Variants in LCORL observed in about 807,000 individuals in gnomAD.
LCORL encodes ligand-dependent nuclear receptor corepressor-like protein.
LCORL carries 41 observed loss-of-function variants against 141.8 expected under a neutral mutation model. The ratio of observed to expected loss-of-function variants is 0.29; its 90% CI spans 0.23 to 0.38. LCORL has a LOEUF of 0.38. Ranked by LOEUF, LCORL falls within the 10% of genes least tolerant of loss-of-function variation. The probability of loss-of-function intolerance (pLI) is 1.00; values close to 1 mark genes in which losing one functional copy is unlikely to be tolerated. For synonymous variants in LCORL, 618 were observed against 694.1 expected (o/e 0.89, Z 1.72); for missense variants, 1,759 against 2,035.0 (o/e 0.86, Z 2.61).
In LCORL at chr4:17,895,430, C is replaced by G. The variant is rs13120779; in HGVS notation, c.683-9269G>C. Reference sequence around the variant, plus strand: ...ATTGTATTTGTCCTACTGTGCTGGACTTATTTCATTTTACTTAATGTCCTC... The same window carrying G: ...ATTGTATTTGTCCTACTGTGCTGGAGTTATTTCATTTTACTTAATGTCCTC... On this transcript the variant is annotated intron_variant, in intron 5 of 7. Coordinates refer to ENST00000635767, the Ensembl canonical transcript of LCORL. Among the ~76,000 whole-genome samples the G allele has an allele frequency of 5.0e-3, 757 of 152,230 alleles. 4 individuals carry two copies. The highest frequency in any genetic ancestry group is 0.01 in the Middle Eastern group (3 of 294).
chr4:17,869,770 A>T (rs1341133225), intron 7 of LCORL, among the ~76,000 whole-genome samples: 1 of 152,110 alleles, frequency 6.6e-6, no homozygotes, highest in East Asian at 1.9e-4. Flanking sequence ...AAGCATATCC[A>T]TAACTGCTTC....
At chr4:17,866,953 G>A (rs1560268064) in intron 7 of LCORL, 1 of 982,782 alleles carries the variant, frequency 1.0e-6, no homozygotes, top group South Asian at 4.7e-5. Context: ...CTTCTAGCAG[G>A]TGGTAGCAGC....
At chr4:17,962,158 TTAGA>T (rs887961980) in intron 3 of LCORL, 126 bp from the exon 4 acceptor site, 9 of 500,888 alleles carry the variant, frequency 1.8e-5, no homozygotes, top group Non-Finnish European at 2.7e-5. Context: ...TTGTATCAAA[TTAGA>T]TAGAGGGAAC....
chr4:17,873,057 C>T (rs1726544242), intron 7 of LCORL, among the ~76,000 whole-genome samples: 1 of 151,984 alleles, frequency 6.6e-6, no homozygotes, highest in African/African-American at 2.4e-5. Flanking sequence ...ATTTATCTGT[C>T]AAACTGCTTA....
intron 1 of LCORL, among the ~76,000 whole-genome samples, chr4:17,982,757 G>A (rs1718241022): frequency 6.6e-6 from 1 of 152,132 alleles, no homozygotes; most frequent in South Asian, 2.1e-4. Context: ...TTGCTGTGCA[G>A]AAGCTCTTTA....
intron 7 of LCORL, among the ~76,000 whole-genome samples, chr4:17,865,487 C>A (rs1207386424): frequency 6.6e-6 from 1 of 151,978 alleles, no homozygotes; most frequent in Non-Finnish European, 1.5e-5. Context: ...AGTACTGCGC[C>A]CAGCCAACAT....
exon 8 of LCORL, chr4:17,845,520 C>T (rs931735863): frequency 2.7e-5 from 11 of 412,406 alleles, no homozygotes; most frequent in African/African-American, 4.1e-5. Context: ...CATCAAAATC[C>T]GTTTACAAAA....
chr4:17,924,054 G>A (rs1033703202), intron 4 of LCORL, among the ~76,000 whole-genome samples: 17 of 152,038 alleles, frequency 1.1e-4, no homozygotes, highest in African/African-American at 2.9e-4. Flanking sequence ...ACCGATTCAC[G>A]GGCTGTAGCC....
chr4:17,841,669 T>C (rs899293848), exon 8 of LCORL: 2 of 151,956 alleles, frequency 1.3e-5, no homozygotes, highest in Non-Finnish European at 2.9e-5. Flanking sequence ...TATATTCATA[T>C]TGTTTTATTC....
At chr4:17,899,478 C>T (rs1270457276) in intron 5 of LCORL, among the ~76,000 whole-genome samples, 2 of 151,790 alleles carry the variant, frequency 1.3e-5, no homozygotes, top group Non-Finnish European at 1.5e-5. Flanking sequence ...TACACCTAGG[C>T]GAAGAAGAGA....
intron 4 of LCORL, among the ~76,000 whole-genome samples, chr4:17,909,671 T>A (rs983585437): frequency 4.6e-5 from 7 of 152,144 alleles, no homozygotes; most frequent in African/African-American, 1.7e-4. Flanking sequence ...TATATTTTAC[T>A]AGACATTAAA....
At chr4:17,875,677 C>T (rs144984434) in exon 7 of LCORL, 1 of 1,231,136 alleles carries the variant, frequency 8.1e-7, no homozygotes, top group East Asian at 3.2e-5. Flanking sequence ...TTTGTTTGAT[C>T]AATTTTAGGC....
At chr4:17,961,328 G>A (rs1235104029) in intron 4 of LCORL, among the ~76,000 whole-genome samples, 1 of 151,982 alleles carries the variant, frequency 6.6e-6, no homozygotes, top group Admixed American at 6.6e-5. Flanking sequence ...TGATACATGA[G>A]TGTAAAGTAA....
chr4:17,934,340 G>A (rs900927885), intron 4 of LCORL, among the ~76,000 whole-genome samples: 2 of 152,042 alleles, frequency 1.3e-5, no homozygotes, highest in African/African-American at 4.8e-5. Context: ...TGGGAATTCT[G>A]TACTTCCTGT....
At chr4:17,875,698 T>G in exon 7 of LCORL, 1 of 1,231,414 alleles carries the variant, frequency 8.1e-7, no homozygotes, top group Non-Finnish European at 1.0e-6. Flanking sequence ...TTTGGTGGTC[T>G]TCCAATTGGT....
intron 4 of LCORL, among the ~76,000 whole-genome samples, chr4:17,937,098 G>A (rs1460221875): frequency 6.6e-6 from 1 of 152,120 alleles, no homozygotes; most frequent in Non-Finnish European, 1.5e-5. Context: ...ACAATTCACA[G>A]GTATTCATCC....
At chr4:17,978,094 C>A (rs539843240) in intron 1 of LCORL, among the ~76,000 whole-genome samples, 2 of 152,270 alleles carry the variant, frequency 1.3e-5, no homozygotes, top group Non-Finnish European at 2.9e-5. Context: ...TACTTCTTTG[C>A]AATTTCGATC....
intron 1 of LCORL, among the ~76,000 whole-genome samples, chr4:18,007,055 A>T (rs1722938317): frequency 6.6e-6 from 1 of 152,088 alleles, no homozygotes; most frequent in African/African-American, 2.4e-5. Flanking sequence ...TGTTTCCACT[A>T]CTACCCTCAA....
intron 1 of LCORL, among the ~76,000 whole-genome samples, chr4:17,989,355 T>C (rs901515464): frequency 1.3e-5 from 2 of 152,232 alleles, no homozygotes; most frequent in African/African-American, 2.4e-5. Flanking sequence ...TTTCCTTCTA[T>C]GGCACCTCTT....
Sources: gnomAD v4.1 joint callset for allele counts (sites outside exome capture counted in the v4.1 genomes callset) on GRCh38, gnomAD v4.1.1 for gene constraint, MANE v1.5 for transcripts, NCBI Gene and HGNC (gene_info 2026-07-23, HGNC 2026-07-21) for gene names.